DPYD: variants seen among roughly 807,000 people sequenced by gnomAD.
The protein encoded by DPYD is dihydropyrimidine dehydrogenase [NADP(+)].
A neutral mutation model predicts 116.2 loss-of-function variants in DPYD; 109 were observed. The observed-to-expected ratio is 0.94, with a 90% CI of 0.80 to 1.10. The LOEUF (loss-of-function observed/expected upper bound fraction) is 1.10, where lower values mean the gene tolerates loss of function less well. Among genes scored for constraint, DPYD ranks in the 50% least tolerant of loss-of-function variants. The pLI is 0.00. For missense variants in DPYD, 1,302 were observed against 1,254.5 expected (o/e 1.04, Z -0.57); for synonymous variants, 440 against 432.0 (o/e 1.02, Z -0.23).
chr1:97,100,191 A>C (rs754610426), intron 20 of DPYD, among the ~76,000 whole-genome samples: 6 of 152,050 alleles, frequency 3.9e-5, no homozygotes, highest in Non-Finnish European at 5.9e-5. Flanking sequence ...AAAATAAATA[A>C]GAGTATAAAA....
intron 19 of DPYD, among the ~76,000 whole-genome samples, chr1:97,216,295 T>G (rs2101882436): frequency 1.3e-5 from 2 of 152,292 alleles, no homozygotes; most frequent in East Asian, 3.9e-4. Flanking sequence ...TTCGAATTTT[T>G]TTTTTATTAA....
chr1:97,340,673 C>T (rs959673150), intron 16 of DPYD, among the ~76,000 whole-genome samples: 2 of 151,938 alleles, frequency 1.3e-5, no homozygotes, highest in Non-Finnish European at 2.9e-5. Flanking sequence ...GAGACCCTAT[C>T]TCAAAAAATA....
intron 20 of DPYD, among the ~76,000 whole-genome samples, chr1:97,142,728 TA>T (rs1654320746): frequency 1.3e-5 from 2 of 152,098 alleles, no homozygotes; most frequent in South Asian, 4.1e-4. Context: ...ATTTATTCTG[TA>T]AGCTAAATAA....
At chr1:97,488,283 G>A (rs908547509) in intron 13 of DPYD, among the ~76,000 whole-genome samples, 3 of 152,152 alleles carry the variant, frequency 2.0e-5, no homozygotes, top group Non-Finnish European at 2.9e-5. Flanking sequence ...AATGCAGAGA[G>A]TGAGGGGACA....
intron 8 of DPYD, among the ~76,000 whole-genome samples, chr1:97,674,298 C>T (rs954955587): frequency 2.6e-5 from 4 of 152,148 alleles, no homozygotes; most frequent in Non-Finnish European, 5.9e-5. Context: ...GTTCCTGTTT[C>T]GTAGTGTCTA....
At chr1:97,631,212 G>C (rs960248341) in intron 8 of DPYD, among the ~76,000 whole-genome samples, 3 of 151,970 alleles carry the variant, frequency 2.0e-5, no homozygotes, top group Admixed American at 6.6e-5. Context: ...CATTCTGTTT[G>C]GCCACTGCAA....
intron 12 of DPYD, among the ~76,000 whole-genome samples, chr1:97,548,369 A>T (rs1651059321): frequency 6.6e-6 from 1 of 152,190 alleles, no homozygotes; most frequent in African/African-American, 2.4e-5. Flanking sequence ...GTTGTGGCAA[A>T]GTATGCTCAG....
chr1:97,866,265 TA>T (rs2101605010), intron 2 of DPYD, among the ~76,000 whole-genome samples: 1 of 152,078 alleles, frequency 6.6e-6, no homozygotes, highest in African/African-American at 2.4e-5. Flanking sequence ...GCAGAGCAAT[TA>T]CTCATGTGGT....
intron 19 of DPYD, among the ~76,000 whole-genome samples, chr1:97,230,334 G>A (rs577758828): frequency 2.6e-5 from 4 of 152,268 alleles, no homozygotes; most frequent in Non-Finnish European, 5.9e-5. Context: ...TCATTTGCAG[G>A]GACCTGGAGG....
chr1:97,625,693 T>C (rs1656887452), intron 8 of DPYD, among the ~76,000 whole-genome samples: 1 of 151,900 alleles, frequency 6.6e-6, no homozygotes, highest in African/African-American at 2.4e-5. Context: ...GAGATGGTCA[T>C]CTACAATGCC....
intron 13 of DPYD, among the ~76,000 whole-genome samples, chr1:97,477,919 A>G (rs1219993546): frequency 1.3e-5 from 2 of 152,172 alleles, no homozygotes; most frequent in African/African-American, 4.8e-5. Flanking sequence ...TGAAACCTAG[A>G]ATGGTAAATA....
intron 17 of DPYD, 109 bp from the exon 18 acceptor site, chr1:97,305,487 C>T: frequency 7.0e-7 from 1 of 1,430,250 alleles, no homozygotes. Context: ...ATCTTGAGAA[C>T]ATGTCTTCTC....
chr1:97,146,521 T>C (rs1654644480), intron 20 of DPYD, among the ~76,000 whole-genome samples: 1 of 152,204 alleles, frequency 6.6e-6, no homozygotes, highest in Non-Finnish European at 1.5e-5. Flanking sequence ...TCAGGGTTAT[T>C]TGTTTGTTTG....
chr1:97,419,084 T>C (rs1248136626), intron 14 of DPYD, among the ~76,000 whole-genome samples: 1 of 152,154 alleles, frequency 6.6e-6, no homozygotes, highest in Admixed American at 6.5e-5. Context: ...ATCTAAGTGC[T>C]TCCTAGACAA....
intron 3 of DPYD, among the ~76,000 whole-genome samples, chr1:97,816,185 C>T (rs1353607266): frequency 6.6e-6 from 1 of 151,532 alleles, no homozygotes; most frequent in Non-Finnish European, 1.5e-5. Flanking sequence ...GTGGTACTCA[C>T]ACCTTAGCCT....
chr1:97,312,295 G>A (rs1667568044), intron 16 of DPYD, among the ~76,000 whole-genome samples: 1 of 151,924 alleles, frequency 6.6e-6, no homozygotes, highest in Admixed American at 6.6e-5. Flanking sequence ...CAAAGAAACA[G>A]GCATTCTCAT....
At chr1:97,616,361 A>C (rs887473268) in intron 8 of DPYD, among the ~76,000 whole-genome samples, 3 of 152,204 alleles carry the variant, frequency 2.0e-5, no homozygotes, top group African/African-American at 7.2e-5. Flanking sequence ...CTTTCTTTTT[A>C]AATATCCAAG....
intron 11 of DPYD, among the ~76,000 whole-genome samples, chr1:97,554,285 T>A (rs566044387): frequency 6.6e-6 from 1 of 152,196 alleles, no homozygotes; most frequent in East Asian, 1.9e-4. Flanking sequence ...TCAGTTTTTA[T>A]AAAAAGATGT....
At chr1:97,551,749 G>A (rs1651336936) in intron 11 of DPYD, among the ~76,000 whole-genome samples, 1 of 152,100 alleles carries the variant, frequency 6.6e-6, no homozygotes, top group Non-Finnish European at 1.5e-5. Context: ...CATGTTTACA[G>A]TCGGCCCTCC....
Sources: gnomAD v4.1 joint callset for allele counts (sites outside exome capture counted in the v4.1 genomes callset) on GRCh38, gnomAD v4.1.1 for gene constraint, MANE v1.5 for transcripts, NCBI Gene and HGNC (gene_info 2026-07-23, HGNC 2026-07-21) for gene names.